Variants in KCNIP4 observed in about 807,000 individuals in gnomAD.
KCNIP4 encodes potassium voltage-gated channel interacting protein 4.
KCNIP4 carries 12 observed loss-of-function variants against 34.0 expected under a neutral mutation model. The observed-to-expected ratio is 0.35, with a 90% CI of 0.23 to 0.57. The LOEUF (loss-of-function observed/expected upper bound fraction) is 0.57, where lower values mean the gene tolerates loss of function less well. Ranked by LOEUF, KCNIP4 falls within the 20% of genes least tolerant of loss-of-function variation. The probability of loss-of-function intolerance (pLI) is 0.83; values close to 1 mark genes in which losing one functional copy is unlikely to be tolerated. For synonymous variants in KCNIP4, 124 were observed against 102.2 expected (o/e 1.21, Z -1.29); for missense variants, 238 against 311.7 (o/e 0.76, Z 1.78).
intron 1 of KCNIP4, among the ~76,000 whole-genome samples, chr4:20,957,753 C>A (rs1733464055): frequency 6.6e-6 from 1 of 152,124 alleles, no homozygotes. Context: ...ATTTTAAGTA[C>A]ACTAATCACA....
chr4:21,094,276 G>A (rs1390421515), intron 1 of KCNIP4, among the ~76,000 whole-genome samples: 2 of 152,186 alleles, frequency 1.3e-5, no homozygotes, highest in African/African-American at 4.8e-5. Flanking sequence ...AACAAAGGTA[G>A]TGGCAGATTC....
At chr4:21,734,888 A>T (rs1715878765) in intron 1 of KCNIP4, among the ~76,000 whole-genome samples, 1 of 152,116 alleles carries the variant, frequency 6.6e-6, no homozygotes, top group South Asian at 2.1e-4. Flanking sequence ...GATTCACATA[A>T]GACCAATTGC....
At chr4:21,022,137 G>T (rs1421084636) in intron 1 of KCNIP4, among the ~76,000 whole-genome samples, 1 of 151,992 alleles carries the variant, frequency 6.6e-6, no homozygotes, top group Non-Finnish European at 1.5e-5. Context: ...TCAGTTCATT[G>T]TTGACCCAAG....
At chr4:21,144,229 G>A (rs1752188660) in intron 1 of KCNIP4, among the ~76,000 whole-genome samples, 1 of 152,126 alleles carries the variant, frequency 6.6e-6, no homozygotes, top group Non-Finnish European at 1.5e-5. Context: ...ATATGTGAGT[G>A]GTACTTTAAA....
At chr4:21,486,780 G>A (rs1389632641) in intron 1 of KCNIP4, among the ~76,000 whole-genome samples, 1 of 151,912 alleles carries the variant, frequency 6.6e-6, no homozygotes, top group Non-Finnish European at 1.5e-5. Context: ...ATATTGCTAT[G>A]GCACCTTGGT....
chr4:21,298,803 T>G (rs527369428), intron 1 of KCNIP4, among the ~76,000 whole-genome samples: 5 of 152,170 alleles, frequency 3.3e-5, no homozygotes, highest in Admixed American at 3.3e-4. Flanking sequence ...TGTTAAATAA[T>G]GTAAGTGATT....
At chr4:21,078,633 C>A (rs1446832421) in intron 1 of KCNIP4, among the ~76,000 whole-genome samples, 1 of 152,036 alleles carries the variant, frequency 6.6e-6, no homozygotes, top group Non-Finnish European at 1.5e-5. Context: ...CGACAATTCA[C>A]CCCATAGCAT....
intron 1 of KCNIP4, among the ~76,000 whole-genome samples, chr4:21,577,391 A>T (rs1437638225): frequency 1.3e-5 from 2 of 152,038 alleles, no homozygotes; most frequent in African/African-American, 2.4e-5. Context: ...GCACTTTTGG[A>T]GGCTGAGGTG....
chr4:20,753,495 G>A (rs1306431438), intron 4 of KCNIP4, among the ~76,000 whole-genome samples: 4 of 152,084 alleles, frequency 2.6e-5, no homozygotes, highest in African/African-American at 7.2e-5. Flanking sequence ...CCTAGAGTTC[G>A]TTCTTCATAG....
intron 1 of KCNIP4, among the ~76,000 whole-genome samples, chr4:21,899,163 C>T (rs1057011943): frequency 6.6e-6 from 1 of 152,012 alleles, no homozygotes; most frequent in Non-Finnish European, 1.5e-5. Context: ...TACATAATGT[C>T]AAAAGAATGA....
chr4:21,892,991 G>A (rs966384793), intron 1 of KCNIP4, among the ~76,000 whole-genome samples: 8 of 152,016 alleles, frequency 5.3e-5, no homozygotes, highest in Non-Finnish European at 8.8e-5. Flanking sequence ...ACCCCATTTC[G>A]GTTTTGTTTC....
chr4:21,406,304 C>T lies in KCNIP4; in HGVS notation c.62-523595G>A, dbSNP rs555227831. 7.6e-4 allele frequency among the ~76,000 whole-genome samples: 116 copies of T among 152,266 alleles called. 3 individuals are homozygous for T. Among genetic ancestry groups the T allele is most frequent in the Admixed American group, 1.9e-3 (29 of 15,288 alleles). Reference sequence around the variant, plus strand: ...AATGTCAAACTCTTTAAAAGAGAGGCATTAAAACCCTCTCCTATCTCTTCC... The same window carrying T: ...AATGTCAAACTCTTTAAAAGAGAGGTATTAAAACCCTCTCCTATCTCTTCC... On this transcript the variant is annotated intron_variant, in intron 1 of 8. Coordinates refer to ENST00000382152, the MANE Select transcript of KCNIP4 (RefSeq NM_025221.6).
chr4:21,921,628 C>T (rs1425774295), intron 1 of KCNIP4, among the ~76,000 whole-genome samples: 2 of 152,108 alleles, frequency 1.3e-5, no homozygotes, highest in Non-Finnish European at 2.9e-5. Flanking sequence ...TAGCTCAAGC[C>T]AAATGCCTGG....
rs187092798 is a variant in KCNIP4 at position 21,129,712 on chromosome 4, G to A, written c.62-247003C>T. Among the ~76,000 whole-genome samples the A allele has an allele frequency of 6.8e-3, 1,030 of 152,196 alleles. 7 individuals are homozygous for A. The highest frequency in any genetic ancestry group is 0.011 in the Non-Finnish European group (781 of 67,978). ...ATTTACGAAAGTTCTCAACCTTGGGGAATTTTTCTCACTTTATAATATAGA... is the reference window on the plus strand; with the variant it reads ...ATTTACGAAAGTTCTCAACCTTGGGAAATTTTTCTCACTTTATAATATAGA... On this transcript the variant is annotated intron_variant, in intron 1 of 8. Transcript: ENST00000382152.
At chr4:20,921,698 C>T (rs1170340372) in intron 1 of KCNIP4, among the ~76,000 whole-genome samples, 26 of 152,118 alleles carry the variant, frequency 1.7e-4, no homozygotes, top group Admixed American at 1.7e-3. Context: ...CAAATAAATT[C>T]AATGCTAATG....
intron 1 of KCNIP4, among the ~76,000 whole-genome samples, chr4:21,167,512 A>C (rs1753716726): frequency 6.6e-6 from 1 of 152,200 alleles, no homozygotes; most frequent in African/African-American, 2.4e-5. Context: ...TGGAATAGAT[A>C]GTGTCTTTTC....
At chr4:21,571,128 C>T (rs1409484856) in intron 1 of KCNIP4, among the ~76,000 whole-genome samples, 1 of 152,170 alleles carries the variant, frequency 6.6e-6, no homozygotes, top group Non-Finnish European at 1.5e-5. Context: ...CTAAGTTCTT[C>T]GTTCAGTTCA....
At chr4:21,611,598 C>T (rs1437644693) in intron 1 of KCNIP4, among the ~76,000 whole-genome samples, 2 of 152,106 alleles carry the variant, frequency 1.3e-5, no homozygotes, top group Non-Finnish European at 2.9e-5. Context: ...ATATAGCCAC[C>T]AATATCCACT....
At chr4:21,231,181 C>T (rs536661095) in intron 1 of KCNIP4, among the ~76,000 whole-genome samples, 8 of 152,202 alleles carry the variant, frequency 5.3e-5, no homozygotes, top group East Asian at 3.9e-4. Flanking sequence ...TTCTACAGAG[C>T]GCTCTGCTGA....
Sources: gnomAD v4.1 joint callset for allele counts (sites outside exome capture counted in the v4.1 genomes callset) on GRCh38, gnomAD v4.1.1 for gene constraint, MANE v1.5 for transcripts, NCBI Gene and HGNC (gene_info 2026-07-23, HGNC 2026-07-21) for gene names.